ADARB2: variants seen among roughly 807,000 people sequenced by gnomAD.
ADARB2 encodes the protein adenosine deaminase RNA specific B2 (inactive).
In ADARB2, 25 loss-of-function variants were observed where a neutral mutation model predicts 62.2. That is an observed-to-expected ratio of 0.40 (90% confidence interval 0.29 to 0.56). The LOEUF (loss-of-function observed/expected upper bound fraction) is 0.56. Among genes scored for constraint, ADARB2 ranks in the 20% least tolerant of loss-of-function variants. ADARB2 has a pLI of 0.43. For missense variants in ADARB2, 1,071 were observed against 1,077.4 expected (o/e 0.99, Z 0.08); for synonymous variants, 572 against 500.8 (o/e 1.14, Z -1.90).
chr10:1,712,248 C>T (rs1365628769), intron 1 of ADARB2, among the ~76,000 whole-genome samples: 2 of 152,154 alleles, frequency 1.3e-5, no homozygotes, highest in African/African-American at 4.8e-5. Flanking sequence ...TCCTGACACA[C>T]AGTAATTGCT....
At chr10:1,503,759 T>C (rs1438703458) in intron 1 of ADARB2, among the ~76,000 whole-genome samples, 6 of 152,120 alleles carry the variant, frequency 3.9e-5, no homozygotes, top group African/African-American at 1.4e-4. Context: ...AAGTGAGCTC[T>C]GGCTAGATGT....
At chr10:1,364,649 A>G (rs1253933028) in intron 2 of ADARB2, among the ~76,000 whole-genome samples, 1 of 152,366 alleles carries the variant, frequency 6.6e-6, no homozygotes, top group Middle Eastern at 3.4e-3. Flanking sequence ...TAGTCCCTAA[A>G]CAATACAGTA....
At chr10:1,434,038 C>A (rs977373785) in intron 1 of ADARB2, among the ~76,000 whole-genome samples, 6 of 152,012 alleles carry the variant, frequency 3.9e-5, no homozygotes, top group Non-Finnish European at 8.8e-5. Context: ...TATTTAGGTG[C>A]TGATTTTTTT....
At chr10:1,306,089 T>C (rs1337049259) in intron 3 of ADARB2, among the ~76,000 whole-genome samples, 1 of 151,840 alleles carries the variant, frequency 6.6e-6, no homozygotes, top group Non-Finnish European at 1.5e-5. Context: ...AAATAAAGGG[T>C]ATTCAATTAG....
intron 1 of ADARB2, among the ~76,000 whole-genome samples, chr10:1,644,663 G>A (rs1176824059): frequency 2.0e-5 from 3 of 152,242 alleles, no homozygotes; most frequent in Admixed American, 2.0e-4. Context: ...CGGAGCACAA[G>A]CAATTTTTCT....
chr10:1,215,508 G>GA (rs1837221583), intron 7 of ADARB2, among the ~76,000 whole-genome samples: 1 of 152,158 alleles, frequency 6.6e-6, no homozygotes, highest in Admixed American at 6.5e-5. Context: ...ACATCCTGGG[G>GA]ACCAACCTTT....
intron 1 of ADARB2, among the ~76,000 whole-genome samples, chr10:1,594,230 G>T (rs1450338789): frequency 6.6e-6 from 1 of 152,188 alleles, no homozygotes; most frequent in Non-Finnish European, 1.5e-5. Context: ...GGCAGAGGTT[G>T]CAGGGACCTG....
chr10:1,355,891 T>C (rs937467572), intron 3 of ADARB2, among the ~76,000 whole-genome samples: 1 of 152,202 alleles, frequency 6.6e-6, no homozygotes, highest in Non-Finnish European at 1.5e-5. Flanking sequence ...TGTATATACA[T>C]TTTATACATA....
chr10:1,360,646 G>A (rs1832244030), intron 3 of ADARB2, among the ~76,000 whole-genome samples: 1 of 152,214 alleles, frequency 6.6e-6, no homozygotes, highest in Non-Finnish European at 1.5e-5. Flanking sequence ...CCAGCTGTGG[G>A]TGTGCATGGG....
At chr10:1,539,743 T>G (rs1278479907) in intron 1 of ADARB2, among the ~76,000 whole-genome samples, 1 of 152,234 alleles carries the variant, frequency 6.6e-6, no homozygotes, top group Non-Finnish European at 1.5e-5. Context: ...AGTGTCAAAA[T>G]GAGCCACACA....
intron 1 of ADARB2, among the ~76,000 whole-genome samples, chr10:1,447,602 CA>C (rs1301111840): frequency 1.3e-5 from 2 of 151,918 alleles, no homozygotes; most frequent in Non-Finnish European, 2.9e-5. Context: ...ATTGCAGCTT[CA>C]GGGGTACATG....
rs1205118341 is a variant in ADARB2 at position 1,180,275 on chromosome 10, G to A, written c.*2918C>T. The A allele has an allele frequency of 1.3e-5, 2 of 151,806 alleles. No individual in the cohort carries two copies. Among genetic ancestry groups the A allele is most frequent in the Non-Finnish European group, 2.9e-5 (2 of 67,958 alleles). 9.4% of individuals were successfully genotyped at this position (151,806 alleles called of 1,614,324 possible). A position where few individuals can be genotyped will look rare whatever the true frequency, so the allele number is the denominator to read the frequency against. On this transcript the variant is annotated 3_prime_UTR_variant, in exon 10 of 10. Transcript: ENST00000381312. ...CCCCCCCAAGCATAGCTGGGGCTGTGGGAATCCTGGGACCCAGCTCTTCCG... is the reference window on the plus strand; with the variant it reads ...CCCCCCCAAGCATAGCTGGGGCTGTAGGAATCCTGGGACCCAGCTCTTCCG...
chr10:1,648,429 G>T (rs1834071747), intron 1 of ADARB2, among the ~76,000 whole-genome samples: 1 of 152,068 alleles, frequency 6.6e-6, no homozygotes, highest in South Asian at 2.1e-4. Context: ...ACTCGAGCTG[G>T]CTCAACTGCT....
At chr10:1,356,950 G>A (rs535024625) in intron 3 of ADARB2, among the ~76,000 whole-genome samples, 6 of 152,238 alleles carry the variant, frequency 3.9e-5, no homozygotes, top group East Asian at 1.9e-4. Flanking sequence ...CCTTTGCCAC[G>A]ACAGAAATGA....
chr10:1,293,211 GGAGGGAGAGAGGGACGGGGAGGGAGA>G, intron 3 of ADARB2, among the ~76,000 whole-genome samples: 1 of 108,804 alleles, frequency 9.2e-6, no homozygotes, highest in Non-Finnish European at 2.1e-5. Flanking sequence ...AAAGAGGGAG[GGAGGGAGAGAGGGACGGGGAGGGAGA>G]GAGGGACGGG....
chr10:1,617,584 ACT>A (rs1468924924), intron 1 of ADARB2, among the ~76,000 whole-genome samples: 2 of 145,992 alleles, frequency 1.4e-5, no homozygotes, highest in African/African-American at 2.6e-5. Flanking sequence ...CTCCAGACAC[ACT>A]CTGCACTGCC....
chr10:1,261,985 C>G (rs1262078184), intron 4 of ADARB2, among the ~76,000 whole-genome samples: 1 of 148,090 alleles, frequency 6.8e-6, no homozygotes, highest in Non-Finnish European at 1.5e-5. Context: ...AGTTCATGTC[C>G]TTTGTAGGGA....
At chr10:1,321,789 G>T (rs1369973817) in intron 3 of ADARB2, among the ~76,000 whole-genome samples, 1 of 152,198 alleles carries the variant, frequency 6.6e-6, no homozygotes, top group Non-Finnish European at 1.5e-5. Context: ...AAATGGCATG[G>T]GTTGGTAAGC....
chr10:1,551,811 G>A (rs951549465), intron 1 of ADARB2, among the ~76,000 whole-genome samples: 20 of 152,176 alleles, frequency 1.3e-4, no homozygotes, highest in South Asian at 4.1e-4. Context: ...GAATGTCTCC[G>A]GGACACAATG....
Sources: allele counts gnomAD v4.1 joint callset (sites outside exome capture counted in the v4.1 genomes callset), GRCh38; gene constraint gnomAD v4.1.1; transcripts MANE v1.5; gene names NCBI Gene and HGNC (gene_info 2026-07-23, HGNC 2026-07-21).